Variants in SYN2 observed in about 807,000 individuals in gnomAD.
SYN2 encodes the protein synapsin-2.
Under a neutral mutation model 50.9 loss-of-function variants are expected in SYN2, and 19 were observed. The ratio of observed to expected loss-of-function variants is 0.37; its 90% CI spans 0.26 to 0.55. The LOEUF (loss-of-function observed/expected upper bound fraction) is 0.55, where lower values mean the gene tolerates loss of function less well. Among genes scored for constraint, SYN2 ranks in the 20% least tolerant of loss-of-function variants. SYN2 has a pLI of 0.81. For synonymous variants in SYN2, 255 were observed against 224.9 expected (o/e 1.13, Z -1.20); for missense variants, 587 against 576.4 (o/e 1.02, Z -0.19).
intron 10 of SYN2, among the ~76,000 whole-genome samples, chr3:12,172,245 G>A (rs1697953104): frequency 6.6e-6 from 1 of 152,152 alleles, no homozygotes; most frequent in Non-Finnish European, 1.5e-5. Flanking sequence ...TGAATTAGAT[G>A]ATGTCTAGAT....
intron 1 of SYN2, among the ~76,000 whole-genome samples, chr3:12,073,772 G>A (rs1559409215): frequency 6.6e-6 from 1 of 152,092 alleles, no homozygotes; most frequent in Non-Finnish European, 1.5e-5. Flanking sequence ...ATGAGCCTTG[G>A]ATCGATTAAT....
At chr3:12,170,024 T>G in intron 10 of SYN2, 118 bp downstream of exon 10, 3 of 1,260,070 alleles carry the variant, frequency 2.4e-6, no homozygotes, top group Non-Finnish European at 3.2e-6. Context: ...AAATGGGATC[T>G]AAGGAGACAT....
intron 2 of SYN2, 87 bp from the exon 3 acceptor site, chr3:12,141,818 G>A: frequency 1.3e-6 from 1 of 746,990 alleles, no homozygotes; most frequent in Admixed American, 1.8e-5. Flanking sequence ...GTATATAAAT[G>A]TTTGGTGGTA....
At chr3:12,158,661 C>A (rs1480364010) in intron 5 of SYN2, 2 of 1,605,662 alleles carry the variant, frequency 1.2e-6, no homozygotes, top group African/African-American at 2.7e-5. Context: ...TAATCCCCCA[C>A]AACCACCCCC....
intron 1 of SYN2, among the ~76,000 whole-genome samples, chr3:12,018,805 A>G (rs1559387433): frequency 6.6e-6 from 1 of 152,214 alleles, no homozygotes; most frequent in Non-Finnish European, 1.5e-5. Flanking sequence ...ACAGATTTCA[A>G]TATGTATTGT....
chr3:12,124,560 T>A (rs1477669822), intron 1 of SYN2, among the ~76,000 whole-genome samples: 1 of 152,150 alleles, frequency 6.6e-6, no homozygotes, highest in Non-Finnish European at 1.5e-5. Flanking sequence ...GTAAACTAAA[T>A]GTCCATCATA....
chr3:12,168,853 A>G (rs983504275), intron 9 of SYN2, among the ~76,000 whole-genome samples: 1 of 52,762 alleles, frequency 1.9e-5, no homozygotes, highest in African/African-American at 7.3e-5. Context: ...CAGATGCAGG[A>G]GATTTCTTCT....
intron 1 of SYN2, among the ~76,000 whole-genome samples, chr3:12,082,061 A>G (rs1695595963): frequency 6.6e-6 from 1 of 152,240 alleles, no homozygotes; most frequent in South Asian, 2.1e-4. Context: ...AGGGCTCAGC[A>G]TATAGTCACA....
chr3:12,101,102 C>G lies in SYN2; in HGVS notation c.378-39549C>G, dbSNP rs545523506. ...CTTAGAAGATTAAATCTAGAGTTAC[C>G]ATATGATCCAGACATTTTGCTCTTC... On this transcript the variant is annotated intron_variant, in intron 1 of 12. Transcript: ENST00000621198. 3.9e-5 allele frequency among the ~76,000 whole-genome samples: 6 copies of G among 152,142 alleles called. 1 individual carries two copies. Among genetic ancestry groups the G allele is most frequent in the African/African-American group, 1.4e-4 (6 of 41,542 alleles).
intron 10 of SYN2, among the ~76,000 whole-genome samples, chr3:12,177,711 A>C (rs961229905): frequency 5.9e-5 from 9 of 152,242 alleles, no homozygotes; most frequent in African/African-American, 2.2e-4. Flanking sequence ...ACTAGTGACT[A>C]GATCCCTTAA....
chr3:12,013,533 C>T (rs1693960847), intron 1 of SYN2, among the ~76,000 whole-genome samples: 1 of 152,134 alleles, frequency 6.6e-6, no homozygotes, highest in Middle Eastern at 3.2e-3. Flanking sequence ...TGGACATCTC[C>T]ATCTGGGTGG....
intron 10 of SYN2, among the ~76,000 whole-genome samples, chr3:12,175,831 A>T (rs991137539): frequency 6.6e-6 from 1 of 152,220 alleles, no homozygotes; most frequent in Non-Finnish European, 1.5e-5. Context: ...CACATTTCAA[A>T]GGAATAGAGG....
At chr3:12,142,705 G>A (rs1047044205) in intron 3 of SYN2, among the ~76,000 whole-genome samples, 6 of 152,268 alleles carry the variant, frequency 3.9e-5, no homozygotes, top group Non-Finnish European at 5.9e-5. Context: ...GAGAGGGGGC[G>A]GCGGGAAATG....
chr3:12,187,521 G>C lies in SYN2; in HGVS notation c.1522G>C (p.Gly508Arg). The change falls in exon 12 of 13, where the codon GGA (glycine) becomes CGA (arginine). Residue 508 changes from glycine to arginine, a missense_variant. By Grantham distance (125) the Gly-to-Arg change is moderately radical (BLOSUM62 -2). Coordinates refer to ENST00000621198, the MANE Select transcript of SYN2 (RefSeq NM_133625.6). Reference sequence around the variant, plus strand: ...GCGGCCGGGCGGCCCCACCACCCACGGAGATGCACCCTCCAGCAGCAGCTC... The same window carrying C: ...GCGGCCGGGCGGCCCCACCACCCACCGAGATGCACCCTCCAGCAGCAGCTC... ...PQRPGGPTTH[G>R]DAPSSSSSLA... is the part of the protein sequence containing the mutation. 3 of 1,552,590 alleles carry C rather than the reference G, an allele frequency of 1.9e-6. No individual in the cohort carries two copies. The highest frequency in any genetic ancestry group is 2.6e-6 in the Non-Finnish European group (3 of 1,147,398).
intron 3 of SYN2, 112 bp downstream of exon 3, chr3:12,142,108 A>G (rs983301258): frequency 1.3e-5 from 9 of 673,876 alleles, no homozygotes; most frequent in African/African-American, 3.5e-5. Context: ...AGTGCTATGT[A>G]TGGTATACAG....
chr3:12,166,824 C>A (rs753067566), intron 7 of SYN2, among the ~76,000 whole-genome samples: 1 of 152,168 alleles, frequency 6.6e-6, no homozygotes, highest in African/African-American at 2.4e-5. Flanking sequence ...TCTGGGAACA[C>A]AAGACACGAT....
At chr3:12,186,993 T>G (rs1351428463) in intron 11 of SYN2, among the ~76,000 whole-genome samples, 1 of 152,120 alleles carries the variant, frequency 6.6e-6, no homozygotes, top group Admixed American at 6.5e-5. Flanking sequence ...ATGTGGAACT[T>G]GAGACTTCCC....
At chr3:12,044,566 A>G (rs1694695811) in intron 1 of SYN2, among the ~76,000 whole-genome samples, 1 of 152,180 alleles carries the variant, frequency 6.6e-6, no homozygotes, top group South Asian at 2.1e-4. Flanking sequence ...TTGATGAAAC[A>G]ATTAGAACCC....
intron 10 of SYN2, among the ~76,000 whole-genome samples, chr3:12,171,105 A>G (rs964624302): frequency 6.6e-6 from 1 of 152,186 alleles, no homozygotes; most frequent in African/African-American, 2.4e-5. Flanking sequence ...CTGAGTTGAG[A>G]ATAGCCCTGT....
Sources: allele counts gnomAD v4.1 joint callset (sites outside exome capture counted in the v4.1 genomes callset), GRCh38; gene constraint gnomAD v4.1.1; transcripts MANE v1.5; gene names NCBI Gene and HGNC (gene_info 2026-07-23, HGNC 2026-07-21).